OPCML: variants seen among roughly 807,000 people sequenced by gnomAD.
The protein encoded by OPCML is opioid binding protein/cell adhesion molecule like, also known as opioid-binding protein/cell adhesion molecule.
In OPCML, 13 loss-of-function variants were observed where a neutral mutation model predicts 37.8. The observed-to-expected ratio is 0.34, with a 90% CI of 0.22 to 0.55. The LOEUF (loss-of-function observed/expected upper bound fraction) is 0.55, where lower values mean the gene tolerates loss of function less well. Ranked by LOEUF, OPCML falls within the 20% of genes least tolerant of loss-of-function variation. The pLI is 0.91. For synonymous variants in OPCML, 176 were observed against 168.8 expected (o/e 1.04, Z -0.33); for missense variants, 341 against 435.6 (o/e 0.78, Z 1.93).
At chr11:133,330,449 A>C (rs1045472109) in intron 1 of OPCML, among the ~76,000 whole-genome samples, 118 of 152,286 alleles carry the variant, frequency 7.7e-4, no homozygotes, top group Admixed American at 3.4e-3. Flanking sequence ...ATGTCCAACA[A>C]CGATAGACTG....
At chr11:132,556,225 G>T (rs1212952621) in intron 3 of OPCML, among the ~76,000 whole-genome samples, 6 of 152,178 alleles carry the variant, frequency 3.9e-5, no homozygotes, top group Non-Finnish European at 2.9e-5. Context: ...TCACAAGTGT[G>T]AGCCACTGTG....
intron 1 of OPCML, among the ~76,000 whole-genome samples, chr11:133,525,936 G>A (rs1232511831): frequency 1.3e-5 from 2 of 152,178 alleles, no homozygotes; most frequent in African/African-American, 2.4e-5. Context: ...GCTCATTAAC[G>A]AGAATGCGCC....
chr11:132,762,891 C>T (rs779020450), intron 2 of OPCML, among the ~76,000 whole-genome samples: 1 of 152,116 alleles, frequency 6.6e-6, no homozygotes, highest in African/African-American at 2.4e-5. Context: ...TAGCTCGGTG[C>T]CTGCCCAAAG....
chr11:132,605,489 G>A (rs373866634), intron 3 of OPCML, among the ~76,000 whole-genome samples: 37 of 152,118 alleles, frequency 2.4e-4, no homozygotes, highest in African/African-American at 8.7e-4. Context: ...GCCTGAACCC[G>A]GGAGGTGGAG....
intron 2 of OPCML, among the ~76,000 whole-genome samples, chr11:132,924,772 T>C (rs1160317239): frequency 6.6e-6 from 1 of 152,240 alleles, no homozygotes; most frequent in Non-Finnish European, 1.5e-5. Flanking sequence ...TCCTGCTCAA[T>C]GTTCTCTGAG....
intron 3 of OPCML, among the ~76,000 whole-genome samples, chr11:132,584,527 A>G (rs183762709): frequency 6.6e-6 from 1 of 152,184 alleles, no homozygotes; most frequent in Non-Finnish European, 1.5e-5. Flanking sequence ...TAATTTCATA[A>G]AGGATAATAA....
chr11:132,954,211 G>A (rs1289401196), intron 1 of OPCML, among the ~76,000 whole-genome samples: 2 of 151,856 alleles, frequency 1.3e-5, no homozygotes, highest in Admixed American at 1.3e-4. Context: ...CATTTTGCTT[G>A]GCCTGGAAAT....
Position 133,177,152 on chromosome 11 carries a change from A to G in OPCML, c.62-234142T>C, listed in dbSNP as rs918370184. ...AAAAATGAAGTGTATTCATTTATTA[A>G]TATTTATTCATATTTGAGAGCACAT... On this transcript the variant is annotated intron_variant, in intron 1 of 7. Transcript: ENST00000524381. The surrounding 1 kb of genome is among the most constrained non-coding windows in gnomAD (Gnocchi z 5.0). Among the ~76,000 whole-genome samples the G allele has an allele frequency of 2.6e-5, 4 of 152,202 alleles. No individual in the cohort carries two copies. Among genetic ancestry groups the G allele is most frequent in the African/African-American group, 9.7e-5 (4 of 41,448 alleles).
chr11:133,280,951 A>T (rs1284390808), intron 1 of OPCML, among the ~76,000 whole-genome samples: 1 of 152,166 alleles, frequency 6.6e-6, no homozygotes, highest in Non-Finnish European at 1.5e-5. Context: ...CATTGTCCTA[A>T]CGTTCTTGGG....
intron 3 of OPCML, among the ~76,000 whole-genome samples, chr11:132,623,239 G>A (rs1224410524): frequency 4.6e-5 from 7 of 152,086 alleles, no homozygotes; most frequent in African/African-American, 1.7e-4. Context: ...TTATTAAGAA[G>A]TGTGACTACC....
At chr11:133,342,669 C>T (rs1055669109) in intron 1 of OPCML, among the ~76,000 whole-genome samples, 2 of 152,168 alleles carry the variant, frequency 1.3e-5, no homozygotes, top group African/African-American at 4.8e-5. Flanking sequence ...AGGCAGCGGA[C>T]AGCTCCAGTC....
intron 1 of OPCML, among the ~76,000 whole-genome samples, chr11:133,382,052 C>T (rs1944941254): frequency 6.6e-6 from 1 of 152,336 alleles, no homozygotes; most frequent in East Asian, 1.9e-4. Context: ...CTCTTGCAGG[C>T]TGTCTCATCA....
chr11:133,267,524 A>G (rs1941697153), intron 1 of OPCML, among the ~76,000 whole-genome samples: 1 of 152,178 alleles, frequency 6.6e-6, no homozygotes, highest in African/African-American at 2.4e-5. Context: ...CTCACTGAAT[A>G]TATTTTCTTG....
intron 1 of OPCML, among the ~76,000 whole-genome samples, chr11:133,282,591 T>C (rs1942188700): frequency 1.3e-5 from 2 of 152,170 alleles, no homozygotes; most frequent in Admixed American, 6.5e-5. Flanking sequence ...GAAGCCCCCA[T>C]GCAGTTTCCA....
chr11:133,476,577 A>G (rs919564258), intron 1 of OPCML, among the ~76,000 whole-genome samples: 3 of 152,190 alleles, frequency 2.0e-5, no homozygotes, highest in Non-Finnish European at 4.4e-5. Context: ...TTCAACAGAA[A>G]TACATTGGGC....
At chr11:133,081,794 C>T (rs1456385771) in intron 1 of OPCML, among the ~76,000 whole-genome samples, 3 of 152,256 alleles carry the variant, frequency 2.0e-5, no homozygotes, top group Admixed American at 1.3e-4. Flanking sequence ...AAACATCCAG[C>T]CCCCGCCGTT....
At chr11:132,854,831 G>A (rs908677362) in intron 2 of OPCML, among the ~76,000 whole-genome samples, 1 of 152,176 alleles carries the variant, frequency 6.6e-6, no homozygotes, top group East Asian at 1.9e-4. Context: ...TGTTGAAACT[G>A]CCTTTGCAAA....
At position 133,405,433 on chromosome 11, in the gene OPCML, G is replaced by A. The variant is rs1331067817; in HGVS notation, c.61+126831C>T. Among the ~76,000 whole-genome samples, 3 of 152,154 alleles carry A rather than the reference G, an allele frequency of 2.0e-5. No homozygotes were observed. In the East Asian group the frequency reaches 5.8e-4, roughly 29 times the overall value. On this transcript the variant is annotated intron_variant, in intron 1 of 7. Transcript: ENST00000524381. Reference sequence around the variant, plus strand: ...GCTGAATGGGTTACAAGTAGATTTGGGAGTTTTTGTGATCTGTATGTTTAA... The same window carrying A: ...GCTGAATGGGTTACAAGTAGATTTGAGAGTTTTTGTGATCTGTATGTTTAA...
chr11:133,187,536 T>G (rs1938136335), intron 1 of OPCML, among the ~76,000 whole-genome samples: 1 of 152,060 alleles, frequency 6.6e-6, no homozygotes, highest in South Asian at 2.1e-4. Context: ...CTGGCCTAGC[T>G]CCTCAGATCC....
Sources: gnomAD v4.1 joint callset for allele counts (sites outside exome capture counted in the v4.1 genomes callset) on GRCh38, gnomAD v4.1.1 for gene constraint, Gnocchi (gnomAD v3.1) non-coding constraint, MANE v1.5 for transcripts, NCBI Gene and HGNC (gene_info 2026-07-23, HGNC 2026-07-21) for gene names.